NCK2: variants seen among roughly 807,000 people sequenced by gnomAD.
NCK2 encodes NCK adaptor protein 2.
Under a neutral mutation model 33.9 loss-of-function variants are expected in NCK2, and 16 were observed. The observed-to-expected ratio is 0.47, with a 90% CI of 0.32 to 0.72. The LOEUF (loss-of-function observed/expected upper bound fraction) is 0.72, where lower values mean the gene tolerates loss of function less well. Among genes scored for constraint, NCK2 ranks in the 30% least tolerant of loss-of-function variants. NCK2 has a pLI of 0.03. For synonymous variants in NCK2, 273 were observed against 239.9 expected (o/e 1.14, Z -1.27); for missense variants, 418 against 537.3 (o/e 0.78, Z 2.19).
chr2:105,866,378 C>A (rs533697510), intron 3 of NCK2, among the ~76,000 whole-genome samples: 3 of 151,876 alleles, frequency 2.0e-5, no homozygotes. Flanking sequence ...TGGCTTCTTG[C>A]TGTTGTCAGT....
intron 1 of NCK2, among the ~76,000 whole-genome samples, chr2:105,767,913 C>G (rs1395206112): frequency 2.0e-5 from 3 of 152,196 alleles, no homozygotes; most frequent in African/African-American, 7.2e-5. Flanking sequence ...TTACTCACAT[C>G]CCCGGCTCTC....
intron 1 of NCK2, among the ~76,000 whole-genome samples, chr2:105,809,339 G>A (rs570936693): frequency 2.2e-4 from 33 of 152,262 alleles, no homozygotes; most frequent in African/African-American, 7.5e-4. Context: ...ACAGACTGAG[G>A]TGCTTACACA....
chr2:105,875,027 G>T (rs1558881641), intron 3 of NCK2, among the ~76,000 whole-genome samples: 1 of 152,158 alleles, frequency 6.6e-6, no homozygotes, highest in African/African-American at 2.4e-5. Flanking sequence ...GTTATTACCT[G>T]CAGTACACAT....
intron 3 of NCK2, among the ~76,000 whole-genome samples, chr2:105,859,352 G>T (rs926301340): frequency 6.6e-6 from 1 of 152,170 alleles, no homozygotes; most frequent in Non-Finnish European, 1.5e-5. Context: ...AGGAGGGTTT[G>T]TTCACAGGCC....
intron 1 of NCK2, among the ~76,000 whole-genome samples, chr2:105,768,864 T>TG (rs944935830): frequency 3.3e-5 from 5 of 152,122 alleles, no homozygotes; most frequent in Admixed American, 3.3e-4. Context: ...CCATGCCCCC[T>TG]GGGGGAGACA....
chr2:105,807,346 T>A (rs1282046401), intron 1 of NCK2, among the ~76,000 whole-genome samples: 1 of 152,228 alleles, frequency 6.6e-6, no homozygotes, highest in Non-Finnish European at 1.5e-5. Context: ...TTTTGAGGTT[T>A]CTGATTTGAT....
chr2:105,885,365 C>A (rs1177124612), intron 4 of NCK2, among the ~76,000 whole-genome samples: 1 of 152,084 alleles, frequency 6.6e-6, no homozygotes, highest in Non-Finnish European at 1.5e-5. Flanking sequence ...ATATTTGTTT[C>A]ATTTCTCTTT....
intron 2 of NCK2, among the ~76,000 whole-genome samples, chr2:105,821,253 A>G (rs1435942780): frequency 1.3e-5 from 2 of 152,150 alleles, no homozygotes; most frequent in Admixed American, 6.5e-5. Context: ...TTTGCCCCCA[A>G]CAGGTTATTT....
chr2:105,820,527 T>C (rs2104495058), intron 2 of NCK2, among the ~76,000 whole-genome samples: 1 of 152,250 alleles, frequency 6.6e-6, no homozygotes, highest in South Asian at 2.1e-4. Context: ...TTTTCTGGTC[T>C]CCCCATTGAA....
chr2:105,882,892 T>C (rs1678566238), intron 4 of NCK2, among the ~76,000 whole-genome samples: 1 of 152,188 alleles, frequency 6.6e-6, no homozygotes, highest in African/African-American at 2.4e-5. Flanking sequence ...GAGGCTTCAA[T>C]TTCATTTTTA....
chr2:105,805,174 G>T (rs1401936115), intron 1 of NCK2, among the ~76,000 whole-genome samples: 1 of 152,198 alleles, frequency 6.6e-6, no homozygotes, highest in Non-Finnish European at 1.5e-5. Context: ...TCCTAGAAGA[G>T]AGCACGTTTG....
At chr2:105,865,004 C>T (rs751765891) in intron 3 of NCK2, among the ~76,000 whole-genome samples, 7 of 152,148 alleles carry the variant, frequency 4.6e-5, no homozygotes, top group Non-Finnish European at 1.0e-4. Flanking sequence ...CCAGAGCCCT[C>T]CCCAGCAGGA....
intron 3 of NCK2, among the ~76,000 whole-genome samples, chr2:105,876,980 GA>G (rs1678259937): frequency 6.6e-6 from 1 of 152,180 alleles, no homozygotes; most frequent in African/African-American, 2.4e-5. Flanking sequence ...TTCTGCAGCA[GA>G]AACCGTCCCT....
chr2:105,849,887 GTC>G (rs1558868600), intron 2 of NCK2, among the ~76,000 whole-genome samples: 1 of 152,158 alleles, frequency 6.6e-6, no homozygotes, highest in Non-Finnish European at 1.5e-5. Context: ...CCATTCTTAA[GTC>G]TCTCTTAATG....
intron 3 of NCK2, among the ~76,000 whole-genome samples, chr2:105,867,304 GA>G (rs1225952247): frequency 2.0e-5 from 3 of 152,092 alleles, no homozygotes. Context: ...GTATGAACAT[GA>G]ATTAAATATA....
At chr2:105,830,697 G>GTGTGTGTGTGTGTA (rs1676148120) in intron 2 of NCK2, among the ~76,000 whole-genome samples, 1 of 151,314 alleles carries the variant, frequency 6.6e-6, no homozygotes, top group Non-Finnish European at 1.5e-5. Context: ...GTGTGTGTGT[G>GTGTGTGTGTGTGTA]TGTGTGTGTG....
intron 2 of NCK2, among the ~76,000 whole-genome samples, chr2:105,850,635 G>A (rs1183501093): frequency 6.6e-6 from 1 of 152,132 alleles, no homozygotes; most frequent in African/African-American, 2.4e-5. Flanking sequence ...CCAAAAATTA[G>A]GTTTCCTTGA....
Position 105,857,030 on chromosome 2 carries a change from C to CTTT in NCK2, c.226+1758_226+1760dup, listed in dbSNP as rs778367390. ...ACGTTGTTGACTTGTTGTGTGTCTT[C>CTTT]TTTTTTTTTTTTTTTTTTTGTATTT... On this transcript the variant is annotated intron_variant, in intron 3 of 4. Transcript: ENST00000233154. The CTTT allele has an allele frequency of 6.8e-3, 367 of 53,938 alleles. 2 individuals are homozygous for CTTT. The highest frequency in any genetic ancestry group is 0.017 in the African/African-American group (220 of 13,114). The allele number at this position is 53,938 out of a possible 1,614,324, so 3.3% of individuals were successfully genotyped here. A position where few individuals can be genotyped will look rare whatever the true frequency, so the allele number is the denominator to read the frequency against.
chr2:105,870,135 T>C (rs1255675396), intron 3 of NCK2, among the ~76,000 whole-genome samples: 1 of 152,170 alleles, frequency 6.6e-6, no homozygotes, highest in Non-Finnish European at 1.5e-5. Flanking sequence ...CATAGAGATG[T>C]TGGAAGACAC....
Sources: allele counts gnomAD v4.1 joint callset (sites outside exome capture counted in the v4.1 genomes callset), GRCh38; gene constraint gnomAD v4.1.1; transcripts MANE v1.5; gene names NCBI Gene and HGNC (gene_info 2026-07-23, HGNC 2026-07-21).